The following MAMLD1 variants were observed in gnomAD, a reference collection of about 807,000 sequenced individuals.
MAMLD1 encodes the protein mastermind-like domain-containing protein 1.
A neutral mutation model predicts 45.0 loss-of-function variants in MAMLD1; 14 were observed. The observed-to-expected ratio is 0.31, with a 90% CI of 0.21 to 0.49. The LOEUF is 0.49. MAMLD1 is among the 20% of genes least tolerant of loss of function. The pLI, the probability that MAMLD1 is intolerant of heterozygous loss-of-function variation, is 0.99. For synonymous variants in MAMLD1, 254 were observed against 247.8 expected (o/e 1.02, Z -0.24); for missense variants, 543 against 603.6 (o/e 0.90, Z 1.05).
At chrX:150,497,976 G>T (rs2037439903) in intron 5 of MAMLD1, among the ~76,000 whole-genome samples, 1 of 111,019 alleles carries the variant, frequency 9.0e-6, no homozygotes. Flanking sequence ...GATTATAATA[G>T]TACCTCCTTC....
chrX:150,491,103 G>T (rs1305266416), intron 5 of MAMLD1, among the ~76,000 whole-genome samples: 4 of 111,289 alleles, frequency 3.6e-5, no homozygotes, highest in African/African-American at 1.3e-4. Flanking sequence ...ACTGTCCACT[G>T]CACTGAATCC....
intron 3 of MAMLD1, among the ~76,000 whole-genome samples, chrX:150,463,435 G>A (rs1358067703): frequency 8.9e-6 from 1 of 112,023 alleles, no homozygotes; most frequent in Non-Finnish European, 1.9e-5. Flanking sequence ...AGGAGTTAGA[G>A]GCTAGCTCTC....
chrX:150,438,108 G>A (rs1484634537), intron 1 of MAMLD1, among the ~76,000 whole-genome samples: 1 of 111,458 alleles, frequency 9.0e-6, no homozygotes, highest in Non-Finnish European at 1.9e-5. Flanking sequence ...GCATTACTGA[G>A]TTGTTTCCAG....
At chrX:150,458,634 T>C (rs1569564865) in intron 2 of MAMLD1, among the ~76,000 whole-genome samples, 1 of 112,331 alleles carries the variant, frequency 8.9e-6, no homozygotes, top group Non-Finnish European at 1.9e-5. Context: ...TTCTCTTTAT[T>C]CTTTCCAGCT....
intron 5 of MAMLD1, among the ~76,000 whole-genome samples, chrX:150,482,848 G>A (rs2036861490): frequency 8.9e-6 from 1 of 112,438 alleles, no homozygotes; most frequent in Non-Finnish European, 1.9e-5. Flanking sequence ...ATGATAATAC[G>A]TAGGTGGGGG....
chrX:150,504,113 C>T (rs1399794708), intron 6 of MAMLD1: 17 of 751,195 alleles, frequency 2.3e-5, no homozygotes, highest in Middle Eastern at 7.5e-4. Flanking sequence ...CCAAAGCAAG[C>T]TTGTCCAAGA....
chrX:150,473,222 C>G (rs1323060284), intron 4 of MAMLD1, among the ~76,000 whole-genome samples: 1 of 112,392 alleles, frequency 8.9e-6, no homozygotes, highest in Non-Finnish European at 1.9e-5. Context: ...CACATTTTCT[C>G]TCCTGTCCAA....
rs1219336068 is a variant in MAMLD1, at chrX:150,417,792, G to C, written c.-63-27662G>C. On this transcript the variant is annotated intron_variant, in intron 1 of 7. Coordinates refer to ENST00000370401, the MANE Select transcript of MAMLD1 (RefSeq NM_005491.5). ...TGAGCATTTTTTCATGTGCTTTTTG[G>C]CTGCATAAATGTCTTCTTTTGAGAA... Among the ~76,000 whole-genome samples the C allele has an allele frequency of 2.5e-4, 27 of 109,729 alleles. No individual in the cohort carries two copies. The East Asian group carries it at 7.8e-3, about 32-fold the overall frequency.
chrX:150,483,071 A>T (rs2148325411), intron 5 of MAMLD1, among the ~76,000 whole-genome samples: 1 of 112,362 alleles, frequency 8.9e-6, no homozygotes, highest in Non-Finnish European at 1.9e-5. Flanking sequence ...ACTCTAGAGC[A>T]AGTGCTAGGC....
chrX:150,504,731 C>T (rs1557408740), intron 6 of MAMLD1: 1 of 750,706 alleles, frequency 1.3e-6, no homozygotes, highest in African/African-American at 2.3e-5. Flanking sequence ...CCTATTCTCT[C>T]TCTTCTCAAG....
chrX:150,420,751 G>A (rs1557403459), intron 1 of MAMLD1, among the ~76,000 whole-genome samples: 1 of 112,340 alleles, frequency 8.9e-6, no homozygotes, highest in African/African-American at 3.2e-5. Flanking sequence ...AGGCTGCTCG[G>A]GGGTCAGGGG....
intron 5 of MAMLD1, among the ~76,000 whole-genome samples, chrX:150,501,101 C>T (rs1201278291): frequency 1.3e-4 from 14 of 111,713 alleles, no homozygotes; most frequent in Admixed American, 1.0e-3. Context: ...TGAGGCACTG[C>T]GTATGTTATG....
intron 5 of MAMLD1, among the ~76,000 whole-genome samples, chrX:150,488,887 G>A (rs781887378): frequency 2.7e-5 from 3 of 113,046 alleles, no homozygotes; most frequent in African/African-American, 6.4e-5. Context: ...CTACAGAAAC[G>A]AGCAGCATGT....
At position 150,470,627 on chromosome X, in the gene MAMLD1, C is replaced by A; in HGVS notation, c.1054C>A (p.Pro352Thr). 8.3e-7 allele frequency: 1 copy of A among 1,211,901 alleles called. No homozygotes were observed. The highest frequency in any genetic ancestry group is 1.1e-6 in the Non-Finnish European group (1 of 895,457). ...PVPSPHPPPL[P>T]LPPPPPPFSP... Reference sequence around the variant, plus strand: ...GCCATCACCACACCCACCACCGCTGCCACTGCCACCACCACCACCCCCATT... The same window carrying A: ...GCCATCACCACACCCACCACCGCTGACACTGCCACCACCACCACCCCCATT... Residue 352 changes from proline (P) to threonine (T), a missense_variant, in exon 4 of 8, where the codon CCA (proline) becomes ACA (threonine). Transcript: ENST00000370401.
intron 1 of MAMLD1, among the ~76,000 whole-genome samples, chrX:150,444,684 G>T (rs1557404709): frequency 2.7e-5 from 3 of 111,906 alleles, no homozygotes; most frequent in Non-Finnish European, 5.6e-5. Flanking sequence ...GGAGGTTTAT[G>T]GGAAGTAGAG....
intron 1 of MAMLD1, among the ~76,000 whole-genome samples, chrX:150,442,548 T>C (rs2035352637): frequency 9.0e-6 from 1 of 111,495 alleles, no homozygotes; most frequent in African/African-American, 3.3e-5. Flanking sequence ...CAGTGAAGTA[T>C]AGAAACCCTA....
intron 1 of MAMLD1, among the ~76,000 whole-genome samples, chrX:150,367,815 T>C (rs1342431873): frequency 1.5e-4 from 16 of 109,535 alleles, no homozygotes; most frequent in Non-Finnish European, 2.5e-4. Context: ...CGGTGTTTGG[T>C]TTTTTGTCCT....
chrX:150,410,731 G>A (rs1291095303), intron 1 of MAMLD1, among the ~76,000 whole-genome samples: 3 of 112,035 alleles, frequency 2.7e-5, no homozygotes, highest in Admixed American at 1.9e-4. Context: ...TACAGATGAG[G>A]AAATAGATAA....
chrX:150,424,410 C>A (rs2034634865), intron 1 of MAMLD1, among the ~76,000 whole-genome samples: 2 of 111,974 alleles, frequency 1.8e-5, no homozygotes, highest in Non-Finnish European at 3.8e-5. Flanking sequence ...TCCTGGGGAG[C>A]AGCAGCAGCA....
Sources: allele counts gnomAD v4.1 joint callset (sites outside exome capture counted in the v4.1 genomes callset), GRCh38; gene constraint gnomAD v4.1.1; transcripts MANE v1.5; gene names NCBI Gene and HGNC (gene_info 2026-07-23, HGNC 2026-07-21).